PRKG1: variants seen among roughly 807,000 people sequenced by gnomAD.
The protein encoded by PRKG1 is protein kinase cGMP-dependent 1, also known as cGMP-dependent protein kinase 1.
A neutral mutation model predicts 88.1 loss-of-function variants in PRKG1; 35 were observed. The ratio of observed to expected loss-of-function variants is 0.40; its 90% CI spans 0.30 to 0.53. The LOEUF is 0.53. Ranked by LOEUF, PRKG1 falls within the 20% of genes least tolerant of loss-of-function variation. The probability of loss-of-function intolerance (pLI) is 0.59; values close to 1 mark genes in which losing one functional copy is unlikely to be tolerated. For synonymous variants in PRKG1, 303 were observed against 292.5 expected (o/e 1.04, Z -0.37); for missense variants, 540 against 839.8 (o/e 0.64, Z 4.41).
intron 2 of PRKG1, among the ~76,000 whole-genome samples, chr10:51,383,974 G>A (rs560366285): frequency 6.6e-6 from 1 of 151,906 alleles, no homozygotes; most frequent in African/African-American, 2.4e-5. Context: ...AGCAGTAAAG[G>A]GTAAGAGAGC....
At chr10:52,171,721 A>T (rs78132916) in intron 9 of PRKG1, among the ~76,000 whole-genome samples, 273 of 12,888 alleles carry the variant, frequency 0.021, 5 homozygotes, top group Admixed American at 0.064. Flanking sequence ...TTGCTTTTTT[A>T]AAAAAAAATG....
intron 2 of PRKG1, among the ~76,000 whole-genome samples, chr10:51,371,906 C>T (rs1842713333): frequency 1.3e-5 from 2 of 152,128 alleles, no homozygotes; most frequent in African/African-American, 2.4e-5. Context: ...TAACAAGCTA[C>T]CACTGAAAAC....
intron 2 of PRKG1, among the ~76,000 whole-genome samples, chr10:51,449,047 A>C (rs1839355239): frequency 6.6e-6 from 1 of 151,984 alleles, no homozygotes; most frequent in Non-Finnish European, 1.5e-5. Context: ...TCTATAAATG[A>C]ATTTTTAAGC....
At chr10:51,673,265 TAAGTG>T (rs1255644603) in intron 3 of PRKG1, among the ~76,000 whole-genome samples, 1 of 152,032 alleles carries the variant, frequency 6.6e-6, no homozygotes, top group African/African-American at 2.4e-5. Context: ...GAAGAAAAAT[TAAGTG>T]AAAAGAGAAA....
At chr10:51,215,479 A>G (rs978710032) in intron 2 of PRKG1, among the ~76,000 whole-genome samples, 1 of 152,154 alleles carries the variant, frequency 6.6e-6, no homozygotes, top group Non-Finnish European at 1.5e-5. Flanking sequence ...TTAAATGGTA[A>G]GAACCTTAAG....
At chr10:51,401,771 A>G (rs1435665959) in intron 2 of PRKG1, among the ~76,000 whole-genome samples, 1 of 152,158 alleles carries the variant, frequency 6.6e-6, no homozygotes, top group Admixed American at 6.6e-5. Context: ...AGGAACCAGG[A>G]AGTGTTTATC....
intron 9 of PRKG1, among the ~76,000 whole-genome samples, chr10:52,193,563 C>CAAAAA (rs67349420): frequency 1.7e-5 from 2 of 118,522 alleles, no homozygotes; most frequent in African/African-American, 6.7e-5. Context: ...AAAAAAAAAA[C>CAAAAA]AAAAAAAAAA....
intron 7 of PRKG1, among the ~76,000 whole-genome samples, chr10:52,086,911 A>G (rs569651998): frequency 6.6e-6 from 1 of 152,248 alleles, no homozygotes; most frequent in African/African-American, 2.4e-5. Context: ...CCTTTTTCAC[A>G]TGGCAGCAGC....
intron 1 of PRKG1, among the ~76,000 whole-genome samples, chr10:51,052,072 C>T (rs913137288): frequency 3.3e-5 from 5 of 152,076 alleles, no homozygotes; most frequent in East Asian, 1.9e-4. Context: ...TACAGCAAAA[C>T]GCATATGAAT....
At chr10:51,033,816 A>G (rs1564576569) in intron 1 of PRKG1, among the ~76,000 whole-genome samples, 1 of 151,162 alleles carries the variant, frequency 6.6e-6, no homozygotes, top group Non-Finnish European at 1.5e-5. Flanking sequence ...AATACCCTCA[A>G]CTCATGGTAT....
intron 5 of PRKG1, among the ~76,000 whole-genome samples, chr10:52,051,817 G>T (rs566756882): frequency 1.3e-5 from 2 of 152,294 alleles, no homozygotes; most frequent in African/African-American, 4.8e-5. Context: ...AAGAGAAGTT[G>T]GGATGAGCAC....
chr10:51,423,203 G>A (rs1838468046), intron 2 of PRKG1, among the ~76,000 whole-genome samples: 1 of 152,120 alleles, frequency 6.6e-6, no homozygotes, highest in South Asian at 2.1e-4. Context: ...ATGACACCAG[G>A]TTGATCAGCA....
At chr10:51,967,906 T>A (rs1386203600) in intron 5 of PRKG1, among the ~76,000 whole-genome samples, 1 of 152,176 alleles carries the variant, frequency 6.6e-6, no homozygotes, top group African/African-American at 2.4e-5. Flanking sequence ...GCTTTAGGCT[T>A]TATTTACCTT....
Position 51,583,378 on chromosome 10 carries a change from G to C in PRKG1, c.592+115542G>C, listed in dbSNP as rs554624074. Among the ~76,000 whole-genome samples the C allele has an allele frequency of 3.3e-5, 5 of 152,140 alleles. No individual in the cohort carries two copies. In the East Asian group the frequency reaches 9.7e-4, roughly 29 times the overall value. On this transcript the variant is annotated intron_variant, in intron 3 of 17. Coordinates refer to ENST00000373980, the MANE Select transcript of PRKG1 (RefSeq NM_006258.4). ...AAAAGTTGTTTACTATTTCAGACTC[G>C]AATTCTGCTATCTCATCATTGTTTA...
intron 7 of PRKG1, among the ~76,000 whole-genome samples, chr10:52,063,609 G>C (rs369394633): frequency 4.6e-5 from 7 of 152,212 alleles, no homozygotes; most frequent in Non-Finnish European, 8.8e-5. Flanking sequence ...AATGTGGTAC[G>C]CAGACAAGTG....
chr10:52,245,632 T>C (rs371552970), intron 9 of PRKG1, among the ~76,000 whole-genome samples: 24 of 152,080 alleles, frequency 1.6e-4, no homozygotes, highest in African/African-American at 5.6e-4. Context: ...TTCGTAGTTT[T>C]CCCCAAGAAT....
intron 3 of PRKG1, chr10:51,699,440 G>A (rs1479601044): frequency 2.5e-6 from 4 of 1,613,882 alleles, no homozygotes; most frequent in Non-Finnish European, 3.4e-6. Context: ...ACCAACCTCC[G>A]AGAAAATGTC....
In PRKG1 at chr10:52,280,305, T is replaced by C. The variant is rs538970299; in HGVS notation, c.1404-484T>C. Among the ~76,000 whole-genome samples the C allele has an allele frequency of 1.5e-4, 23 of 152,284 alleles. 1 individual carries two copies. The highest frequency in any genetic ancestry group is 5.5e-4 in the African/African-American group (23 of 41,560). On this transcript the variant is annotated intron_variant, in intron 12 of 17. Coordinates refer to ENST00000373980, the MANE Select transcript of PRKG1 (RefSeq NM_006258.4). The stretch of plus-strand genomic sequence containing the variant: ...GGTTCTTTGAAAACAGTTGCTTTTA[T>C]TCAGACTCTCATGAACCATATCTGC...
intron 3 of PRKG1, among the ~76,000 whole-genome samples, chr10:51,802,892 C>G (rs1239918002): frequency 6.6e-6 from 1 of 152,098 alleles, no homozygotes; most frequent in Non-Finnish European, 1.5e-5. Flanking sequence ...TGCACTACCC[C>G]CAAACCGTGC....
Sources: gnomAD v4.1 joint callset for allele counts (sites outside exome capture counted in the v4.1 genomes callset) on GRCh38, gnomAD v4.1.1 for gene constraint, MANE v1.5 for transcripts, NCBI Gene and HGNC (gene_info 2026-07-23, HGNC 2026-07-21) for gene names.